Variants in CACNA2D1 observed in about 807,000 individuals in gnomAD.
CACNA2D1 encodes voltage-dependent calcium channel subunit alpha-2/delta-1.
CACNA2D1 carries 53 observed loss-of-function variants against 171.5 expected under a neutral mutation model. That is an observed-to-expected ratio of 0.31 (90% CI 0.25 to 0.39). The LOEUF is 0.39. Ranked by LOEUF, CACNA2D1 falls within the 10% of genes least tolerant of loss-of-function variation. CACNA2D1 has a pLI of 1.00. For missense variants in CACNA2D1, 903 were observed against 1,299.8 expected, an observed-to-expected ratio of 0.69 and a Z score of 4.69; for synonymous variants, 442 against 443.1, an observed-to-expected ratio of 1.00 and a Z score of 0.03.
intron 3 of CACNA2D1, among the ~76,000 whole-genome samples, chr7:82,248,531 T>C (rs1805205127): frequency 6.6e-6 from 1 of 152,220 alleles, no homozygotes; most frequent in Admixed American, 6.5e-5. Context: ...TTCTTATTCA[T>C]AGGCTAATAC....
intron 3 of CACNA2D1, among the ~76,000 whole-genome samples, chr7:82,213,600 CA>C (rs1800787263): frequency 6.6e-6 from 1 of 152,160 alleles, no homozygotes; most frequent in South Asian, 2.1e-4. Flanking sequence ...ACCTAAAATA[CA>C]AATTTGATTA....
chr7:81,954,503 T>TAC (rs1324536136), intron 38 of CACNA2D1, among the ~76,000 whole-genome samples: 1 of 152,064 alleles, frequency 6.6e-6, no homozygotes, highest in Non-Finnish European at 1.5e-5. Context: ...CAGCATGCGT[T>TAC]ACCAGTGGCT....
At chr7:82,111,292 G>GTA (rs113362103) in intron 6 of CACNA2D1, among the ~76,000 whole-genome samples, 4,916 of 120,790 alleles carry the variant, frequency 0.041, 214 homozygotes, top group African/African-American at 0.086. Context: ...ATATGTCTGG[G>GTA]TATATATATA....
chr7:82,298,111 C>A lies in CACNA2D1; in HGVS notation c.294+37024G>T, dbSNP rs1026463796. 3.3e-5 allele frequency among the ~76,000 whole-genome samples: 5 copies of A among 152,024 alleles called. No individual in the cohort carries two copies. In the East Asian group the frequency reaches 1.0e-3, roughly 31 times the overall value. ...GCTATTGTAGAATTATACACACCGA[C>A]TGGTAATTATTGAGTAATATTTAGT... On this transcript the variant is annotated intron_variant, in intron 3 of 38. Coordinates refer to ENST00000356860, the MANE Select transcript of CACNA2D1 (RefSeq NM_000722.4).
intron 6 of CACNA2D1, among the ~76,000 whole-genome samples, chr7:82,105,425 C>CTTTTTTTTTTTTTTTTTT (rs1167025771): frequency 1.8e-5 from 1 of 55,606 alleles, no homozygotes. Flanking sequence ...TTTTTTTTAG[C>CTTTTTTTTTTTTTTTTTT]TTTGAGGTGG....
At chr7:82,067,494 T>C (rs1562994312) in intron 7 of CACNA2D1, among the ~76,000 whole-genome samples, 1 of 152,218 alleles carries the variant, frequency 6.6e-6, no homozygotes, top group Non-Finnish European at 1.5e-5. Flanking sequence ...AAAAACTATA[T>C]ACAATGAAAC....
Position 82,405,704 on chromosome 7 carries a change from T to G in CACNA2D1, c.95+37661A>C, listed in dbSNP as rs1318568265. Among the ~76,000 whole-genome samples, 3 of 152,218 alleles carry G rather than the reference T, an allele frequency of 2.0e-5. No homozygotes were observed. In the East Asian group the frequency reaches 5.8e-4, roughly 29 times the overall value. The stretch of plus-strand genomic sequence containing the variant: ...CTTTTCAAGTGTGGGGATTATAGTT[T>G]GAGTGGTGTCTGGTGGAATACATTC... On this transcript the variant is annotated intron_variant, in intron 1 of 38. Transcript: ENST00000356860.
At chr7:82,295,506 G>A (rs376902389) in intron 3 of CACNA2D1, among the ~76,000 whole-genome samples, 4 of 151,506 alleles carry the variant, frequency 2.6e-5, no homozygotes, top group South Asian at 2.1e-4. Flanking sequence ...ACTATACCTC[G>A]CTAATTTCTT....
intron 1 of CACNA2D1, among the ~76,000 whole-genome samples, chr7:82,362,400 C>A (rs1821171734): frequency 6.6e-6 from 1 of 152,108 alleles, no homozygotes; most frequent in Non-Finnish European, 1.5e-5. Flanking sequence ...AGCAGCCTCC[C>A]ACAGGCCTGA....
At chr7:82,324,236 T>C (rs1193244026) in intron 3 of CACNA2D1, among the ~76,000 whole-genome samples, 1 of 151,718 alleles carries the variant, frequency 6.6e-6, no homozygotes, top group Non-Finnish European at 1.5e-5. Flanking sequence ...TGGGTGCCTG[T>C]AATCCCAGCT....
intron 21 of CACNA2D1, among the ~76,000 whole-genome samples, chr7:81,987,632 T>G (rs560383524): frequency 1.3e-5 from 2 of 152,282 alleles, no homozygotes; most frequent in Admixed American, 6.5e-5. Flanking sequence ...TGTTTTTTCC[T>G]TCAACTTAGA....
At chr7:82,099,787 A>C (rs1024621243) in intron 6 of CACNA2D1, among the ~76,000 whole-genome samples, 2 of 152,134 alleles carry the variant, frequency 1.3e-5, no homozygotes, top group African/African-American at 4.8e-5. Flanking sequence ...AGTGTGTGTG[A>C]ATCACTGTAG....
chr7:82,208,359 T>C (rs1409043790), intron 3 of CACNA2D1, among the ~76,000 whole-genome samples: 1 of 152,180 alleles, frequency 6.6e-6, no homozygotes, highest in African/African-American at 2.4e-5. Flanking sequence ...CAGAAAGCTA[T>C]AGAATTTACA....
In CACNA2D1 at chr7:82,443,563, G is replaced by C; in HGVS notation, c.-104C>G. Reference sequence around the variant, plus strand: ...AGCAGCACACGCCGCCGGGACCGCGGGCGTCTGGAGGGCTGGCTGCGCCCG... The same window carrying C: ...AGCAGCACACGCCGCCGGGACCGCGCGCGTCTGGAGGGCTGGCTGCGCCCG... On this transcript the variant is annotated 5_prime_UTR_variant, in exon 1 of 39. Coordinates refer to ENST00000356860, the MANE Select transcript of CACNA2D1 (RefSeq NM_000722.4). 2 of 1,504,036 alleles carry C rather than the reference G, an allele frequency of 1.3e-6. No homozygotes were observed. Among genetic ancestry groups the C allele is most frequent in the Non-Finnish European group, 1.8e-6 (2 of 1,124,616 alleles). 93.2% of individuals were successfully genotyped at this position (1,504,036 alleles called of 1,614,324 possible). A position where few individuals can be genotyped will look rare whatever the true frequency, so the allele number is the denominator to read the frequency against.
At chr7:82,143,068 A>G (rs1196627698) in intron 4 of CACNA2D1, among the ~76,000 whole-genome samples, 1 of 152,116 alleles carries the variant, frequency 6.6e-6, no homozygotes, top group Admixed American at 6.6e-5. Flanking sequence ...GAGGGGGGAT[A>G]TGAATGTGAG....
At chr7:82,291,145 TACATATA>T (rs1257974347) in intron 3 of CACNA2D1, among the ~76,000 whole-genome samples, 11 of 105,812 alleles carry the variant, frequency 1.0e-4, no homozygotes, top group Non-Finnish European at 1.8e-4. Flanking sequence ...AGGCCACTTG[TACATATA>T]ATTCTATATC....
intron 6 of CACNA2D1, among the ~76,000 whole-genome samples, chr7:82,098,391 T>C (rs1812188179): frequency 6.6e-6 from 1 of 152,230 alleles, no homozygotes; most frequent in Non-Finnish European, 1.5e-5. Context: ...ATGAAGGATG[T>C]TGAAACCAAT....
At chr7:82,353,784 T>C (rs1820113004) in intron 1 of CACNA2D1, among the ~76,000 whole-genome samples, 1 of 152,216 alleles carries the variant, frequency 6.6e-6, no homozygotes, top group Non-Finnish European at 1.5e-5. Context: ...AGTGCTCCTT[T>C]TGGTTTTTAA....
Position 82,250,767 on chromosome 7 carries a change from C to G in CACNA2D1, c.295-80158G>C, listed in dbSNP as rs185699496. 2.0e-5 allele frequency among the ~76,000 whole-genome samples: 3 copies of G among 152,084 alleles called. No individual in the cohort carries two copies. In the East Asian group the frequency reaches 5.8e-4, roughly 29 times the overall value. On this transcript the variant is annotated intron_variant, in intron 3 of 38. Coordinates refer to ENST00000356860, the MANE Select transcript of CACNA2D1 (RefSeq NM_000722.4). ...TGGCCCTTTTGTCTGTTCTTCTTTT[C>G]TTGAAAAGATTTCACAAGAGTTCTG...
Sources: gnomAD v4.1 joint callset for allele counts (sites outside exome capture counted in the v4.1 genomes callset) on GRCh38, gnomAD v4.1.1 for gene constraint, MANE v1.5 for transcripts, NCBI Gene and HGNC (gene_info 2026-07-23, HGNC 2026-07-21) for gene names.